STN1: variants seen among roughly 807,000 people sequenced by gnomAD.
STN1 encodes the protein STN1 subunit of CST complex.
In STN1, 29 loss-of-function variants were observed where a neutral mutation model predicts 45.5. The ratio of observed to expected loss-of-function variants is 0.64; its 90% CI spans 0.47 to 0.87. The LOEUF (loss-of-function observed/expected upper bound fraction) is 0.87. STN1 is among the 40% of genes least tolerant of loss of function. The pLI, the probability that STN1 is intolerant of heterozygous loss-of-function variation, is 0.00. For missense variants in STN1, 376 were observed against 441.4 expected, an observed-to-expected ratio of 0.85 and a Z score of 1.33; for synonymous variants, 148 against 159.0, an observed-to-expected ratio of 0.93 and a Z score of 0.52.
intron 2 of STN1, among the ~76,000 whole-genome samples, chr10:103,915,572 T>G (rs1399508088): frequency 1.3e-5 from 2 of 152,250 alleles, no homozygotes; most frequent in Non-Finnish European, 2.9e-5. Context: ...CATTTCATAT[T>G]TTATCATTTT....
At chr10:103,907,710 C>T (rs1843250810) in intron 3 of STN1, among the ~76,000 whole-genome samples, 1 of 151,822 alleles carries the variant, frequency 6.6e-6, no homozygotes, top group Admixed American at 6.6e-5. Flanking sequence ...TGAGTAAATA[C>T]CATTTTAAGA....
Position 103,905,149 on chromosome 10 carries a change from G to A in STN1, c.237C>T (p.Asp79=). 2.5e-6 allele frequency: 4 copies of A among 1,613,950 alleles called. No individual in the cohort carries two copies. The highest frequency in any genetic ancestry group is 3.4e-6 in the Non-Finnish European group (4 of 1,179,838). The change falls in exon 4 of 10, where the codon GAC becomes GAT. Residue 79 remains aspartate (D), a synonymous_variant. Coordinates refer to ENST00000224950, the MANE Select transcript of STN1 (RefSeq NM_024928.5). ...RDAFYSYGVD[D]STGVINCICW... ...AGATGCAGTTTATAACTCCAGTGCT[G>A]TCATCCACTGCAAGAGAAAAGCAAA...
In STN1 at chr10:103,880,701, T is replaced by C. The variant is rs921106599; in HGVS notation, c.*1983A>G. Among the ~76,000 whole-genome samples, 2 of 152,136 alleles carry C rather than the reference T, an allele frequency of 1.3e-5. No homozygotes were observed. The highest frequency in any genetic ancestry group is 2.9e-5 in the Non-Finnish European group (2 of 68,008). The stretch of plus-strand genomic sequence containing the variant: ...GTTAGACAGCATGTAGATGGTATAA[T>C]CCATGTGGCTGCTGGAGACACCCCA... On this transcript the variant is annotated 3_prime_UTR_variant, in exon 10 of 10. Transcript: ENST00000224950.
At chr10:103,915,469 G>A (rs74578964) in intron 2 of STN1, among the ~76,000 whole-genome samples, 1,727 of 152,170 alleles carry the variant, frequency 0.011, 38 homozygotes, top group African/African-American at 0.039. Flanking sequence ...TAATGATGAC[G>A]CTCCTATCAC....
intron 2 of STN1, 74 bp from the exon 3 acceptor site, chr10:103,910,696 G>A: frequency 1.3e-6 from 1 of 790,860 alleles, no homozygotes; most frequent in Non-Finnish European, 2.1e-6. Context: ...TAACTTGTAG[G>A]GGGGAAGGGA....
intron 7 of STN1, among the ~76,000 whole-genome samples, chr10:103,897,013 C>G (rs1843175272): frequency 6.6e-6 from 1 of 152,106 alleles, no homozygotes; most frequent in African/African-American, 2.4e-5. Flanking sequence ...ATTTATTCAT[C>G]AGCAAAATGA....
intron 2 of STN1, among the ~76,000 whole-genome samples, chr10:103,913,351 T>C (rs1181046543): frequency 2.6e-5 from 4 of 152,130 alleles, no homozygotes; most frequent in Admixed American, 6.5e-5. Flanking sequence ...AAGTGAGCCC[T>C]GTGAATTTTC....
In STN1 at chr10:103,877,988, G is replaced by T. The variant is rs1407981308; in HGVS notation, c.*4696C>A. The T allele has an allele frequency of 1.3e-5, 2 of 152,256 alleles. No homozygotes were observed. Among genetic ancestry groups the T allele is most frequent in the African/African-American group, 4.8e-5 (2 of 41,460 alleles). The allele number at this position is 152,256 out of a possible 1,614,324, so 9.4% of individuals were successfully genotyped here. On this transcript the variant is annotated 3_prime_UTR_variant, in exon 10 of 10. Transcript: ENST00000224950. ...AAAATTACAAGTTTACTTGGTTTCA[G>T]TCCTTGGCACTAAGTCTTAGGTTCC...
intron 9 of STN1, among the ~76,000 whole-genome samples, chr10:103,887,549 T>C (rs1016808640): frequency 3.1e-4 from 47 of 152,196 alleles, no homozygotes; most frequent in Admixed American, 2.0e-4. Context: ...TATAACATTA[T>C]GAAGCGGGGT....
At chr10:103,914,349 TA>T (rs1843310930) in intron 2 of STN1, among the ~76,000 whole-genome samples, 2 of 17,426 alleles carry the variant, frequency 1.1e-4, no homozygotes, top group African/African-American at 2.3e-4. Flanking sequence ...TATATATATA[TA>T]TATATATATA....
chr10:103,917,849 G>A (rs2134380946), intron 1 of STN1, among the ~76,000 whole-genome samples, 193 bp from the exon 2 acceptor site: 1 of 152,320 alleles, frequency 6.6e-6, no homozygotes, highest in South Asian at 2.1e-4. Context: ...GTTCCTTACG[G>A]CTCTCCCGCT....
rs755349327 is a variant in STN1 at position 103,881,745 on chromosome 10, G to A, written c.*939C>T. 6.6e-6 allele frequency among the ~76,000 whole-genome samples: 1 copy of A among 152,152 alleles called. No individual in the cohort carries two copies. The highest frequency in any genetic ancestry group is 1.5e-5 in the Non-Finnish European group (1 of 68,022). On this transcript the variant is annotated 3_prime_UTR_variant, in exon 10 of 10. Coordinates refer to ENST00000224950, the MANE Select transcript of STN1 (RefSeq NM_024928.5). ...TCTCCACACTTTATTTTTGCTGGCT[G>A]GATTTGTCATTTTGCTGTCAGAACA... is the stretch of plus-strand genomic sequence containing the variant.
At chr10:103,900,941 G>C (rs2134367558) in intron 4 of STN1, among the ~76,000 whole-genome samples, 1 of 152,270 alleles carries the variant, frequency 6.6e-6, no homozygotes, top group Non-Finnish European at 1.5e-5. Context: ...AGTTTACAAT[G>C]TATTAGCACA....
chr10:103,885,552 T>C (rs1564910984), intron 9 of STN1, among the ~76,000 whole-genome samples: 1 of 152,166 alleles, frequency 6.6e-6, no homozygotes, highest in Non-Finnish European at 1.5e-5. Flanking sequence ...TAATGTGAAC[T>C]TAGACTCCTC....
intron 7 of STN1, among the ~76,000 whole-genome samples, chr10:103,896,136 C>T (rs1376402018): frequency 1.3e-5 from 2 of 152,164 alleles, no homozygotes; most frequent in Non-Finnish European, 1.5e-5. Flanking sequence ...TTTACCTTTA[C>T]ACTTTGTGGG....
At chr10:103,884,298 C>A (rs372350117) in intron 9 of STN1, among the ~76,000 whole-genome samples, 9 of 151,832 alleles carry the variant, frequency 5.9e-5, no homozygotes. Context: ...TAGGGGATAA[C>A]GAAACCAATT....
At chr10:103,917,333 C>CAGG in intron 2 of STN1, 129 bp downstream of exon 2, 1 of 671,038 alleles carries the variant, frequency 1.5e-6, no homozygotes, top group Non-Finnish European at 2.4e-6. Flanking sequence ...TGCGAAGGTC[C>CAGG]AGGCTAGGTC....
intron 7 of STN1, among the ~76,000 whole-genome samples, chr10:103,896,550 C>T (rs995049330): frequency 1.3e-5 from 2 of 152,052 alleles, no homozygotes; most frequent in Non-Finnish European, 2.9e-5. Flanking sequence ...TAATTCCAAG[C>T]AATACGTCAA....
In STN1 at chr10:103,882,552, G is replaced by A; in HGVS notation, c.*132C>T. 1 of 889,606 alleles carries A rather than the reference G, an allele frequency of 1.1e-6. No homozygotes were observed. The highest frequency in any genetic ancestry group is 2.9e-5 in the Admixed American group (1 of 34,310). 55.1% of individuals were successfully genotyped at this position (889,606 alleles called of 1,614,324 possible). A position where few individuals can be genotyped will look rare whatever the true frequency, so the allele number is the denominator to read the frequency against. On this transcript the variant is annotated 3_prime_UTR_variant, in exon 10 of 10. Transcript: ENST00000224950. ...TTATGCCAAATCCCATTCCCAAGAT[G>A]ACTATATTTTATAGTTTATTATGAG... is the stretch of plus-strand genomic sequence containing the variant.
Sources: gnomAD v4.1 joint callset for allele counts (sites outside exome capture counted in the v4.1 genomes callset) on GRCh38, gnomAD v4.1.1 for gene constraint, MANE v1.5 for transcripts, NCBI Gene and HGNC (gene_info 2026-07-23, HGNC 2026-07-21) for gene names.